Variants in AAK1 observed in about 807,000 individuals in gnomAD.
AAK1 encodes AP2-associated protein kinase 1.
AAK1 carries 37 observed loss-of-function variants against 116.0 expected under a neutral mutation model. The observed-to-expected ratio is 0.32, with a 90% confidence interval of 0.25 to 0.42. AAK1 has a LOEUF of 0.42. Among genes scored for constraint, AAK1 ranks in the 10% least tolerant of loss-of-function variants. The pLI, the probability that AAK1 is intolerant of heterozygous loss-of-function variation, is 1.00. For synonymous variants in AAK1, 458 were observed against 439.9 expected (o/e 1.04, Z -0.51); for missense variants, 919 against 1,170.6 (o/e 0.79, Z 3.14).
intron 2 of AAK1, among the ~76,000 whole-genome samples, chr2:69,610,070 A>G (rs2105215060): frequency 6.6e-6 from 1 of 151,794 alleles, no homozygotes; most frequent in Admixed American, 6.6e-5. Context: ...AAAAAAAAAA[A>G]AAATTGGAGG....
At chr2:69,641,257 A>C (rs989428517) in intron 2 of AAK1, among the ~76,000 whole-genome samples, 6 of 152,208 alleles carry the variant, frequency 3.9e-5, no homozygotes, top group African/African-American at 1.4e-4. Context: ...GGCCATTCAG[A>C]GGGGAGGAAA....
chr2:69,595,068 A>G, intron 2 of AAK1: 2 of 700,508 alleles, frequency 2.9e-6, no homozygotes, highest in Admixed American at 1.9e-5. Flanking sequence ...TGTTTGCGTG[A>G]GCACTATCAG....
intron 17 of AAK1, among the ~76,000 whole-genome samples, chr2:69,485,867 C>T (rs2104906034): frequency 6.6e-6 from 1 of 152,064 alleles, no homozygotes; most frequent in East Asian, 1.9e-4. Context: ...CTATGATGGC[C>T]AGGTTGGTCT....
intron 2 of AAK1, among the ~76,000 whole-genome samples, chr2:69,610,486 C>T (rs1386565887): frequency 6.6e-6 from 1 of 152,038 alleles, no homozygotes; most frequent in African/African-American, 2.4e-5. Flanking sequence ...GCAACAAATG[C>T]AAAAATATGC....
In AAK1 at chr2:69,471,599, C is replaced by T; in HGVS notation, c.*4270G>A. 1.0e-6 allele frequency: 1 copy of T among 985,392 alleles called. No individual in the cohort carries two copies. The highest frequency in any genetic ancestry group is 1.2e-6 in the Non-Finnish European group (1 of 829,900). 61.0% of individuals were successfully genotyped at this position (985,392 alleles called of 1,614,324 possible). A position where few individuals can be genotyped will look rare whatever the true frequency, so the allele number is the denominator to read the frequency against. Reference sequence around the variant, plus strand: ...CAATCCTGTCATTTTCATCCCAAAGCTCAAAGTTAGTGGCTATGGGAGCCT... The same window carrying T: ...CAATCCTGTCATTTTCATCCCAAAGTTCAAAGTTAGTGGCTATGGGAGCCT... On this transcript the variant is annotated 3_prime_UTR_variant, in exon 22 of 22. Coordinates refer to ENST00000409085, the MANE Select transcript of AAK1 (RefSeq NM_014911.5).
intron 2 of AAK1, among the ~76,000 whole-genome samples, chr2:69,601,809 A>G (rs1673592042): frequency 6.6e-6 from 1 of 152,240 alleles, no homozygotes; most frequent in African/African-American, 2.4e-5. Flanking sequence ...GGACACTAGC[A>G]TTAGTAAATG....
intron 2 of AAK1, among the ~76,000 whole-genome samples, chr2:69,570,612 G>A (rs968022112): frequency 1.3e-5 from 2 of 152,030 alleles, no homozygotes; most frequent in African/African-American, 4.8e-5. Context: ...TGAAAAATGA[G>A]TCACCAAAGA....
chr2:69,545,246 C>T (rs944005849), intron 3 of AAK1, among the ~76,000 whole-genome samples: 22 of 152,094 alleles, frequency 1.4e-4, no homozygotes, highest in Admixed American at 1.2e-3. Context: ...TGTGTCAGGA[C>T]CCATCTAGGA....
At chr2:69,507,626 C>A (rs1433770328) in intron 14 of AAK1, 48 bp from the exon 15 acceptor site, 1 of 1,468,364 alleles carries the variant, frequency 6.8e-7, no homozygotes, top group Non-Finnish European at 9.1e-7. Flanking sequence ...AAAAGTTGAA[C>A]AAAACAAAAA....
At chr2:69,504,624 G>A (rs1256168927) in intron 16 of AAK1, among the ~76,000 whole-genome samples, 1 of 152,120 alleles carries the variant, frequency 6.6e-6, no homozygotes, top group East Asian at 1.9e-4. Context: ...AAAATTAGCT[G>A]GGCATGATGG....
intron 6 of AAK1, 173 bp downstream of exon 6, chr2:69,531,868 C>T: frequency 7.7e-7 from 1 of 1,293,760 alleles, no homozygotes; most frequent in Non-Finnish European, 1.0e-6. Context: ...TGTAAACCCC[C>T]TCCTCATTCT....
At position 69,468,526 on chromosome 2, in the gene AAK1, G is replaced by A. The variant is rs1259627575; in HGVS notation, c.*7343C>T. The A allele has an allele frequency of 1.0e-6, 1 of 985,154 alleles. No individual in the cohort carries two copies. The highest frequency in any genetic ancestry group is 1.7e-5 in the African/African-American group (1 of 57,176). 61.0% of individuals were successfully genotyped at this position (985,154 alleles called of 1,614,324 possible). Reference sequence around the variant, plus strand: ...ATGTTATTAAGCTTGTTCTGCAGGAGAGCAAAATATCTCTTAGGGAAAAAA... The same window carrying A: ...ATGTTATTAAGCTTGTTCTGCAGGAAAGCAAAATATCTCTTAGGGAAAAAA... On this transcript the variant is annotated 3_prime_UTR_variant, in exon 22 of 22. Coordinates refer to ENST00000409085, the MANE Select transcript of AAK1 (RefSeq NM_014911.5).
rs1418492129 is a variant in AAK1 at position 69,482,786 on chromosome 2, G to A, written c.2392C>T (p.Pro798Ser). Residue 798 changes from proline to serine, a missense_variant, in exon 18 of 22, where the codon CCT becomes TCT. By Grantham distance (74) the Pro-to-Ser change is moderately conservative. Coordinates refer to ENST00000409085, the MANE Select transcript of AAK1 (RefSeq NM_014911.5). Reference sequence around the variant, plus strand: ...TCAGGGAGCAGAAGAGAAGTGTCAGGAGATTTGAGTCCCTCAATTAGTTTT... The same window carrying A: ...TCAGGGAGCAGAAGAGAAGTGTCAGAAGATTTGAGTCCCTCAATTAGTTTT... ...PEKLIEGLKS[P>S]DTSLLLPDLL... 1 of 1,613,674 alleles carries A rather than the reference G, an allele frequency of 6.2e-7. No individual in the cohort carries two copies. The highest frequency in any genetic ancestry group is 8.5e-7 in the Non-Finnish European group (1 of 1,179,578).
chr2:69,567,560 A>G (rs1028215239), intron 2 of AAK1, among the ~76,000 whole-genome samples: 1 of 152,064 alleles, frequency 6.6e-6, no homozygotes, highest in Non-Finnish European at 1.5e-5. Flanking sequence ...GGATACCAAT[A>G]AAAAATTTTA....
intron 2 of AAK1, among the ~76,000 whole-genome samples, chr2:69,586,746 T>C (rs542726511): frequency 1.3e-5 from 2 of 152,292 alleles, no homozygotes; most frequent in Admixed American, 1.3e-4. Flanking sequence ...CATTGTTCTT[T>C]AGACACAGAA....
intron 2 of AAK1, among the ~76,000 whole-genome samples, chr2:69,613,033 G>C (rs549452322): frequency 1.3e-5 from 2 of 152,282 alleles, no homozygotes; most frequent in African/African-American, 4.8e-5. Context: ...GTGTAAGTGG[G>C]TAATTTGAGG....
At position 69,542,503 on chromosome 2, in the gene AAK1, T is replaced by C; in HGVS notation, c.534+20A>G. 6.2e-7 allele frequency: 1 copy of C among 1,613,232 alleles called. No homozygotes were observed. Among genetic ancestry groups the C allele is most frequent in the South Asian group, 1.1e-5 (1 of 90,972 alleles). ...AAAATATTGAGTAGAATGCCCGTAATGAAAGAGTGTGGTCTGTACCTTCAG... is the reference window on the plus strand; with the variant it reads ...AAAATATTGAGTAGAATGCCCGTAACGAAAGAGTGTGGTCTGTACCTTCAG... On this transcript the variant is annotated intron_variant, in intron 5 of 21. Transcript: ENST00000409085.
intron 2 of AAK1, among the ~76,000 whole-genome samples, chr2:69,561,750 C>G (rs931159387): frequency 6.6e-6 from 1 of 152,138 alleles, no homozygotes; most frequent in African/African-American, 2.4e-5. Flanking sequence ...AATCTCCCCT[C>G]CCCTCCCTCA....
chr2:69,588,136 T>C (rs56075205), intron 2 of AAK1, among the ~76,000 whole-genome samples: 2,858 of 152,274 alleles, frequency 0.019, 77 homozygotes, highest in African/African-American at 0.064. Flanking sequence ...CAACACTCCA[T>C]AGTAACGTGA....
Sources: gnomAD v4.1 joint callset for allele counts (sites outside exome capture counted in the v4.1 genomes callset) on GRCh38, gnomAD v4.1.1 for gene constraint, MANE v1.5 for transcripts, NCBI Gene and HGNC (gene_info 2026-07-23, HGNC 2026-07-21) for gene names.